The following HIBCH variants were observed in gnomAD, a reference collection of about 807,000 sequenced individuals.
The protein encoded by HIBCH is 3-hydroxyisobutyryl-CoA hydrolase, also known as 3-hydroxyisobutyryl-CoA hydrolase, mitochondrial.
In HIBCH, 50 loss-of-function variants were observed where a neutral mutation model predicts 58.2. That is an observed-to-expected ratio of 0.86 (90% CI 0.68 to 1.09). The LOEUF is 1.09. Ranked by LOEUF, HIBCH falls within the 50% of genes least tolerant of loss-of-function variation. HIBCH has a pLI of 0.00. For synonymous variants in HIBCH, 151 were observed against 146.9 expected (o/e 1.03, Z -0.20); for missense variants, 450 against 449.7 (o/e 1.00, Z -0.01).
At chr2:190,262,764 GTTATC>G (rs1416722250) in intron 6 of HIBCH, among the ~76,000 whole-genome samples, 14 of 152,160 alleles carry the variant, frequency 9.2e-5, no homozygotes, top group Non-Finnish European at 1.3e-4. Context: ...GATTCCATTT[GTTATC>G]TTATATTACA....
intron 7 of HIBCH, among the ~76,000 whole-genome samples, chr2:190,255,729 G>C (rs1391211189): frequency 6.6e-6 from 1 of 152,124 alleles, no homozygotes; most frequent in Non-Finnish European, 1.5e-5. Context: ...AACCAAGACA[G>C]CTAGAATTCC....
chr2:190,268,591 C>T (rs1193440953), intron 6 of HIBCH, among the ~76,000 whole-genome samples: 2 of 152,322 alleles, frequency 1.3e-5, no homozygotes, highest in Non-Finnish European at 2.9e-5. Context: ...AAAGCTGACA[C>T]AGCTCTGTTT....
intron 9 of HIBCH, among the ~76,000 whole-genome samples, chr2:190,247,378 C>T (rs911256899): frequency 1.3e-5 from 2 of 152,064 alleles, no homozygotes; most frequent in African/African-American, 2.4e-5. Context: ...TTACTCAATT[C>T]GACAACAGGA....
At chr2:190,298,059 T>C (rs560498082) in intron 2 of HIBCH, among the ~76,000 whole-genome samples, 1 of 152,296 alleles carries the variant, frequency 6.6e-6, no homozygotes, top group Non-Finnish European at 1.5e-5. Context: ...TACAGCTTTA[T>C]CCATGTCCCT....
Position 190,210,243 on chromosome 2 carries a change from C to T in HIBCH, c.1012-1330G>A, listed in dbSNP as rs1205627483. On this transcript the variant is annotated intron_variant, in intron 12 of 13. Transcript: ENST00000359678. The surrounding 1 kb of genome is among the most constrained non-coding windows in gnomAD (Gnocchi z 5.5). ...CCTCTAAAATGGCTTGCCAAAACCACCCATGACATCGGCATCGCCAAGGTC... is the reference window on the plus strand; with the variant it reads ...CCTCTAAAATGGCTTGCCAAAACCATCCATGACATCGGCATCGCCAAGGTC... Among the ~76,000 whole-genome samples the T allele has an allele frequency of 6.6e-6, 1 of 152,190 alleles. No homozygotes were observed. Among genetic ancestry groups the T allele is most frequent in the East Asian group, 1.9e-4 (1 of 5,188 alleles).
intron 1 of HIBCH, among the ~76,000 whole-genome samples, chr2:190,196,039 T>C (rs1212620694): frequency 1.4e-5 from 2 of 143,264 alleles, no homozygotes; most frequent in East Asian, 4.0e-4. Flanking sequence ...TAAACTAGTC[T>C]GATCATCTCT....
At chr2:190,268,505 T>A (rs1160555638) in intron 6 of HIBCH, among the ~76,000 whole-genome samples, 5 of 152,224 alleles carry the variant, frequency 3.3e-5, no homozygotes, top group Non-Finnish European at 7.3e-5. Context: ...AAGGCAAAAT[T>A]TAGGCAACCT....
chr2:190,255,118 C>G (rs535063825), intron 7 of HIBCH, among the ~76,000 whole-genome samples: 3 of 152,176 alleles, frequency 2.0e-5, no homozygotes, highest in Non-Finnish European at 4.4e-5. Flanking sequence ...AATCATGGTA[C>G]TACAATATAA....
intron 11 of HIBCH, among the ~76,000 whole-genome samples, chr2:190,239,809 C>G (rs771811327): frequency 3.9e-5 from 6 of 152,032 alleles, no homozygotes; most frequent in Non-Finnish European, 8.8e-5. Flanking sequence ...GCCACCACGC[C>G]CAGCTAATTT....
chr2:190,231,724 G>A (rs1424711370), intron 11 of HIBCH, among the ~76,000 whole-genome samples: 2 of 151,834 alleles, frequency 1.3e-5, no homozygotes, highest in Non-Finnish European at 2.9e-5. Context: ...GGTATGAGAC[G>A]GAGGAAGGAA....
Position 190,315,449 on chromosome 2 carries a change from G to A in HIBCH, c.35+4267C>T, listed in dbSNP as rs1688689933. On this transcript the variant is annotated intron_variant, in intron 1 of 13. Coordinates refer to ENST00000359678, the MANE Select transcript of HIBCH (RefSeq NM_014362.4). This position sits in a 1 kb window ranked among gnomAD's most constrained non-coding sequence, Gnocchi z 5.4. Reference sequence around the variant, plus strand: ...AAGAAACTGTGGGGCCCAGAAATCTGTGTTTAACAAACCCTCCAGGTGGTT... The same window carrying A: ...AAGAAACTGTGGGGCCCAGAAATCTATGTTTAACAAACCCTCCAGGTGGTT... Among the ~76,000 whole-genome samples, 1 of 152,162 alleles carries A rather than the reference G, an allele frequency of 6.6e-6. No homozygotes were observed. Among genetic ancestry groups the A allele is most frequent in the Non-Finnish European group, 1.5e-5 (1 of 68,018 alleles).
chr2:190,191,752 A>G (rs1382427717), intron 1 of HIBCH, among the ~76,000 whole-genome samples: 1 of 152,200 alleles, frequency 6.6e-6, no homozygotes. Flanking sequence ...TATATTTGCT[A>G]TCTATAGGTG....
chr2:190,274,545 T>G lies in HIBCH; in HGVS notation c.438+13041A>C, dbSNP rs143709868. Among the ~76,000 whole-genome samples the G allele has an allele frequency of 4.1e-4, 63 of 152,358 alleles. No individual in the cohort carries two copies. In the East Asian group the frequency reaches 4.8e-3, roughly 12 times the overall value. Reference sequence around the variant, plus strand: ...TAAAATACACTTTAAAACTTAATTTTCTATTATTCATTGTGTGTGGTGGGG... The same window carrying G: ...TAAAATACACTTTAAAACTTAATTTGCTATTATTCATTGTGTGTGGTGGGG... On this transcript the variant is annotated intron_variant, in intron 6 of 13. Transcript: ENST00000359678.
chr2:190,266,278 ATG>A (rs1432285261), intron 6 of HIBCH, among the ~76,000 whole-genome samples: 1 of 152,210 alleles, frequency 6.6e-6, no homozygotes, highest in African/African-American at 2.4e-5. Flanking sequence ...CATTCAAATA[ATG>A]TGTGTGCATA....
At position 190,236,758 on chromosome 2, in the gene HIBCH, G is replaced by A. The variant is rs1686286784; in HGVS notation, c.891+8129C>T. ...GCAACCTGATCTTAAGACTTTTCTG[G>A]TAATTTCTTAAAGGCATTAACAATT... is the stretch of plus-strand genomic sequence containing the variant. On this transcript the variant is annotated intron_variant, in intron 11 of 13. Transcript: ENST00000359678. The surrounding 1 kb of genome is among the most constrained non-coding windows in gnomAD (Gnocchi z 4.1). Among the ~76,000 whole-genome samples, 1 of 152,098 alleles carries A rather than the reference G, an allele frequency of 6.6e-6. No individual in the cohort carries two copies. The highest frequency in any genetic ancestry group is 1.5e-5 in the Non-Finnish European group (1 of 68,000).
rs992566492 is a variant in HIBCH at position 190,304,665 on chromosome 2, T to C, written c.78+6089A>G. On this transcript the variant is annotated intron_variant, in intron 2 of 13. Transcript: ENST00000359678. The surrounding 1 kb of genome is among the most constrained non-coding windows in gnomAD (Gnocchi z 4.1). ...ACCATAGTAAGAATAGTAGGCAGTTTGCTAGGGCTGCCATAACAAAGTACC... is the reference window on the plus strand; with the variant it reads ...ACCATAGTAAGAATAGTAGGCAGTTCGCTAGGGCTGCCATAACAAAGTACC... Among the ~76,000 whole-genome samples the C allele has an allele frequency of 1.6e-4, 24 of 152,196 alleles. No homozygotes were observed. The highest frequency in any genetic ancestry group is 5.8e-4 in the African/African-American group (24 of 41,452).
rs190387538 is a variant in HIBCH, at chr2:190,239,806, C to G, written c.891+5081G>C. 5.2e-3 allele frequency among the ~76,000 whole-genome samples: 790 copies of G among 152,156 alleles called. 25 individuals carry two copies. Among genetic ancestry groups the G allele is most frequent in the Admixed American group, 0.047 (713 of 15,262 alleles). On this transcript the variant is annotated intron_variant, in intron 11 of 13. Transcript: ENST00000359678. ...CTGGGATTATAGCCATGTGCCACCA[C>G]GCCCAGCTAATTTTTGTATTTTTAA...
chr2:190,198,631 C>CAAAA (rs35125102), intron 1 of HIBCH, among the ~76,000 whole-genome samples: 19 of 70,574 alleles, frequency 2.7e-4, no homozygotes, highest in African/African-American at 6.9e-4. Context: ...GACCCTGTCT[C>CAAAA]AAAAAAAAAA....
In HIBCH at chr2:190,216,702, T is replaced by C. The variant is rs888601341; in HGVS notation, c.892-3627A>G. 5.9e-5 allele frequency among the ~76,000 whole-genome samples: 9 copies of C among 152,336 alleles called. No individual in the cohort carries two copies. Among genetic ancestry groups the C allele is most frequent in the South Asian group, 2.1e-4 (1 of 4,828 alleles). On this transcript the variant is annotated intron_variant, in intron 11 of 13. Coordinates refer to ENST00000359678, the MANE Select transcript of HIBCH (RefSeq NM_014362.4). This position sits in a 1 kb window ranked among gnomAD's most constrained non-coding sequence, Gnocchi z 4.2. Reference sequence around the variant, plus strand: ...CAGTTCAAAAAACTTAAAAACCCAATAGAGGCAAAAGAGGATGCCAGTTTG... The same window carrying C: ...CAGTTCAAAAAACTTAAAAACCCAACAGAGGCAAAAGAGGATGCCAGTTTG...
Sources: allele counts gnomAD v4.1 joint callset (sites outside exome capture counted in the v4.1 genomes callset), GRCh38; gene constraint gnomAD v4.1.1; non-coding constraint Gnocchi (gnomAD v3.1); transcripts MANE v1.5; gene names NCBI Gene and HGNC (gene_info 2026-07-23, HGNC 2026-07-21).